KLHL1: variants seen among roughly 807,000 people sequenced by gnomAD.
The protein encoded by KLHL1 is kelch like family member 1, also known as kelch-like protein 1.
A neutral mutation model predicts 77.7 loss-of-function variants in KLHL1; 47 were observed. The ratio of observed to expected loss-of-function variants is 0.60; its 90% CI spans 0.48 to 0.77. The LOEUF is 0.77. Ranked by LOEUF, KLHL1 falls within the 30% of genes least tolerant of loss-of-function variation. The pLI is 0.00. For missense variants in KLHL1, 925 were observed against 910.8 expected, an observed-to-expected ratio of 1.02 and a Z score of -0.20; for synonymous variants, 360 against 325.2, an observed-to-expected ratio of 1.11 and a Z score of -1.15.
chr13:70,103,791 G>A (rs954465588), intron 1 of KLHL1, among the ~76,000 whole-genome samples: 1 of 152,176 alleles, frequency 6.6e-6, no homozygotes, highest in Non-Finnish European at 1.5e-5. Flanking sequence ...GAGCAAGACA[G>A]AATAGGAATT....
intron 4 of KLHL1, among the ~76,000 whole-genome samples, chr13:69,909,293 C>T (rs1228774585): frequency 6.6e-6 from 1 of 151,706 alleles, no homozygotes; most frequent in Non-Finnish European, 1.5e-5. Flanking sequence ...CTTACAGATG[C>T]AGAGAGGATG....
chr13:69,744,946 T>C (rs534913449), intron 7 of KLHL1, among the ~76,000 whole-genome samples: 1 of 152,208 alleles, frequency 6.6e-6, no homozygotes, highest in South Asian at 2.1e-4. Context: ...ACTTTCTTGA[T>C]GTACATATGA....
chr13:69,780,324 T>C (rs1391162051), intron 7 of KLHL1, among the ~76,000 whole-genome samples: 1 of 152,156 alleles, frequency 6.6e-6, no homozygotes, highest in Non-Finnish European at 1.5e-5. Context: ...TATATTTAAA[T>C]TTTGTTTCCT....
At chr13:69,813,497 C>CACACACAT (rs1205258456) in intron 6 of KLHL1, among the ~76,000 whole-genome samples, 1 of 150,926 alleles carries the variant, frequency 6.6e-6, no homozygotes, top group African/African-American at 2.5e-5. Context: ...CACACACACA[C>CACACACAT]ACACACATAT....
intron 4 of KLHL1, among the ~76,000 whole-genome samples, chr13:69,917,545 G>T (rs961555517): frequency 6.6e-6 from 1 of 152,110 alleles, no homozygotes; most frequent in African/African-American, 2.4e-5. Flanking sequence ...AGGAATGGTT[G>T]ATTTCGTTTC....
intron 6 of KLHL1, among the ~76,000 whole-genome samples, chr13:69,823,224 G>A (rs1380877612): frequency 6.6e-6 from 1 of 152,098 alleles, no homozygotes; most frequent in East Asian, 1.9e-4. Context: ...CTGTGCTCTT[G>A]CATCAGCATG....
intron 1 of KLHL1, among the ~76,000 whole-genome samples, chr13:70,055,562 T>C (rs1391367751): frequency 6.6e-6 from 1 of 151,956 alleles, no homozygotes; most frequent in Admixed American, 6.6e-5. Context: ...ATATCGTGAG[T>C]AGAAAGAGTA....
chr13:69,874,754 C>A (rs1880705272), intron 5 of KLHL1, among the ~76,000 whole-genome samples: 1 of 151,782 alleles, frequency 6.6e-6, no homozygotes, highest in South Asian at 2.1e-4. Context: ...TTTGGATAAC[C>A]CTGACTTCCT....
chr13:69,802,993 A>G (rs1399934051), intron 6 of KLHL1: 1 of 152,110 alleles, frequency 6.6e-6, no homozygotes, highest in Non-Finnish European at 1.5e-5. Context: ...CCAATTACAG[A>G]TTTCTTTGTT....
chr13:69,805,196 C>A (rs1362386513), intron 6 of KLHL1, among the ~76,000 whole-genome samples: 3 of 151,716 alleles, frequency 2.0e-5, no homozygotes, highest in Non-Finnish European at 2.9e-5. Flanking sequence ...AAATAAGCAA[C>A]CAAAATATTC....
intron 5 of KLHL1, among the ~76,000 whole-genome samples, chr13:69,870,718 C>T (rs1205624881): frequency 6.6e-6 from 1 of 151,756 alleles, no homozygotes; most frequent in African/African-American, 2.4e-5. Flanking sequence ...GACAAATTGG[C>T]CCAAAGTAAG....
intron 5 of KLHL1, among the ~76,000 whole-genome samples, chr13:69,847,769 A>G (rs1879528031): frequency 6.6e-6 from 1 of 151,510 alleles, no homozygotes; most frequent in Non-Finnish European, 1.5e-5. Context: ...GAATCTATAA[A>G]ACAAAATTGA....
chr13:69,876,985 C>A (rs7323694), intron 5 of KLHL1, among the ~76,000 whole-genome samples: 30,699 of 151,662 alleles, frequency 0.2, 4,426 homozygotes, highest in African/African-American at 0.42. Flanking sequence ...TGCAGTGAGC[C>A]AAGACTGTGC....
At position 69,767,146 on chromosome 13, in the gene KLHL1, T is replaced by TA. The variant is rs1213196469; in HGVS notation, c.1640-26591dup. On this transcript the variant is annotated intron_variant, in intron 7 of 10. Transcript: ENST00000377844. ...CTATATTTATTAACTGCTTAATTAC[T>TA]AAAAATAGTTGGAAATAAAAGACAG... Among the ~76,000 whole-genome samples, 11 of 152,282 alleles carry TA rather than the reference T, an allele frequency of 7.2e-5. No individual in the cohort carries two copies. The East Asian group carries it at 2.1e-3, about 29-fold the overall frequency.
chr13:69,890,864 T>A (rs1157027975), intron 4 of KLHL1, among the ~76,000 whole-genome samples: 1 of 152,050 alleles, frequency 6.6e-6, no homozygotes. Context: ...ATTTTTTGAC[T>A]CTATATTGCT....
intron 7 of KLHL1, among the ~76,000 whole-genome samples, chr13:69,796,112 G>C (rs1328503866): frequency 1.3e-5 from 2 of 152,132 alleles, no homozygotes; most frequent in Non-Finnish European, 2.9e-5. Context: ...ATGGCTTGGA[G>C]TCTACTCTTT....
chr13:69,736,587 C>T (rs1487840308), intron 8 of KLHL1, among the ~76,000 whole-genome samples: 3 of 152,068 alleles, frequency 2.0e-5, no homozygotes, highest in South Asian at 2.1e-4. Context: ...GATACTTGCA[C>T]ATGCCTGTTT....
chr13:69,891,179 G>C (rs919631718), intron 4 of KLHL1, among the ~76,000 whole-genome samples: 2 of 151,980 alleles, frequency 1.3e-5, no homozygotes, highest in African/African-American at 4.8e-5. Flanking sequence ...TCCTTACCTA[G>C]AGCAAAATTA....
intron 8 of KLHL1, among the ~76,000 whole-genome samples, chr13:69,721,080 A>ACAAATTCCTTGTAAGGGAGGTACAT: frequency 4.6e-5 from 1 of 21,734 alleles, no homozygotes; most frequent in Non-Finnish European, 1.3e-4. Context: ...TATATATATA[A>ACAAATTCCTTGTAAGGGAGGTACAT]AGCTATGTAC....
Sources: gnomAD v4.1 joint callset for allele counts (sites outside exome capture counted in the v4.1 genomes callset) on GRCh38, gnomAD v4.1.1 for gene constraint, MANE v1.5 for transcripts, NCBI Gene and HGNC (gene_info 2026-07-23, HGNC 2026-07-21) for gene names.